Variants in ZEB1 observed in about 807,000 individuals in gnomAD.
The protein encoded by ZEB1 is zinc finger E-box-binding homeobox 1.
ZEB1 carries 21 observed loss-of-function variants against 84.9 expected under a neutral mutation model. That is an observed-to-expected ratio of 0.25 (90% CI 0.18 to 0.36). The LOEUF (loss-of-function observed/expected upper bound fraction) is 0.36. Among genes scored for constraint, ZEB1 ranks in the 10% least tolerant of loss-of-function variants. ZEB1 has a pLI of 1.00. For synonymous variants in ZEB1, 420 were observed against 471.1 expected (o/e 0.89, Z 1.41); for missense variants, 1,104 against 1,330.2 (o/e 0.83, Z 2.65).
chr10:31,480,243 A>G (rs1180517414), intron 2 of ZEB1, among the ~76,000 whole-genome samples: 2 of 152,066 alleles, frequency 1.3e-5, no homozygotes, highest in Non-Finnish European at 2.9e-5. Flanking sequence ...TGCCAAGACA[A>G]TTAAACTTTT....
chr10:31,469,049 G>A (rs375996866), intron 2 of ZEB1, among the ~76,000 whole-genome samples: 1 of 152,104 alleles, frequency 6.6e-6, no homozygotes, highest in Non-Finnish European at 1.5e-5. Flanking sequence ...AGAGATGAAA[G>A]ACAACATAGA....
At position 31,461,160 on chromosome 10, in the gene ZEB1, T is replaced by G. The variant is rs776579743; in HGVS notation, c.182T>G (p.Leu61Arg). 44 of 1,613,410 alleles carry G rather than the reference T, an allele frequency of 2.7e-5. No homozygotes were observed. In the Admixed American group the frequency reaches 7.4e-4, roughly 27 times the overall value. Reference sequence around the variant, plus strand: ...TGTGAAGGTGTACCAGAGGATGACCTGCCAACAGACCAGACAGTGTTACCA... The same window carrying G: ...TGTGAAGGTGTACCAGAGGATGACCGGCCAACAGACCAGACAGTGTTACCA... Reference protein sequence around the residue: ...ADCEGVPEDDLPTDQTVLPGR... With the variant: ...ADCEGVPEDDRPTDQTVLPGR... Residue 61 changes from leucine (L) to arginine (R), a missense_variant, in exon 2 of 9, where the codon CTG (leucine) becomes CGG (arginine). Transcript: ENST00000424869.
chr10:31,426,933 T>G (rs533072735), intron 1 of ZEB1, among the ~76,000 whole-genome samples: 3 of 151,088 alleles, frequency 2.0e-5, no homozygotes, highest in African/African-American at 7.4e-5. Flanking sequence ...TGTATACCTC[T>G]TCCCATGAAT....
intron 1 of ZEB1, chr10:31,361,085 A>G: frequency 3.1e-6 from 5 of 1,611,928 alleles, no homozygotes; most frequent in Non-Finnish European, 4.2e-6. Context: ...TCTAAGACTT[A>G]CAAATTACAA....
At chr10:31,526,055 T>C (rs1042149866) in intron 8 of ZEB1, among the ~76,000 whole-genome samples, 1 of 152,240 alleles carries the variant, frequency 6.6e-6, no homozygotes, top group Admixed American at 6.5e-5. Flanking sequence ...GCAACACTCC[T>C]GTAGCCCATG....
chr10:31,364,840 G>C (rs1422790719), intron 1 of ZEB1, among the ~76,000 whole-genome samples: 1 of 152,154 alleles, frequency 6.6e-6, no homozygotes, highest in African/African-American at 2.4e-5. Flanking sequence ...TTTTCATGTA[G>C]TCCTGGGGTA....
chr10:31,387,587 A>T, intron 1 of ZEB1: 1 of 334,202 alleles, frequency 3.0e-6, no homozygotes, highest in Non-Finnish European at 4.3e-6. Context: ...ATGTCTTGAG[A>T]TATGGATTAA....
intron 1 of ZEB1, among the ~76,000 whole-genome samples, chr10:31,362,595 C>T (rs2043469188): frequency 6.6e-6 from 1 of 151,288 alleles, no homozygotes; most frequent in South Asian, 2.1e-4. Context: ...TTGTCGCTTC[C>T]CAGACAGGGC....
In ZEB1 at chr10:31,520,581, C is replaced by A; in HGVS notation, c.1249C>A (p.Leu417Ile). The change falls in exon 7 of 9, where the codon CTT becomes ATT. Residue 417 changes from leucine to isoleucine, a missense_variant. Physicochemically the swap from Leu to Ile is conservative, Grantham distance 5. Coordinates refer to ENST00000424869, the MANE Select transcript of ZEB1 (RefSeq NM_001174096.2). This position sits in a 1 kb window ranked among gnomAD's most constrained non-coding sequence, Gnocchi z 5.1. ...SINLSDIQNV[L>I]KVAVDGNVIR... The stretch of plus-strand genomic sequence containing the variant: ...CAATTTAAGTGATATTCAGAATGTA[C>A]TTAAAGTGGCGGTAGATGGTAATGT... The A allele has an allele frequency of 6.2e-7, 1 of 1,613,990 alleles. No homozygotes were observed. Among genetic ancestry groups the A allele is most frequent in the Non-Finnish European group, 8.5e-7 (1 of 1,179,968 alleles).
At position 31,333,097 on chromosome 10, in the gene ZEB1, G is replaced by C. The variant is rs369581092; in HGVS notation, c.58+13805G>C. 2.5e-4 allele frequency among the ~76,000 whole-genome samples: 38 copies of C among 152,228 alleles called. 1 individual carries two copies. Among genetic ancestry groups the C allele is most frequent in the African/African-American group, 8.2e-4 (34 of 41,550 alleles). Reference sequence around the variant, plus strand: ...TGCTAATAGATAAAGGAGTTTTACTGTACTAATTTCAAAAATGGTATAAAG... The same window carrying C: ...TGCTAATAGATAAAGGAGTTTTACTCTACTAATTTCAAAAATGGTATAAAG... On this transcript the variant is annotated intron_variant, in intron 1 of 8. Transcript: ENST00000424869.
Position 31,437,006 on chromosome 10 carries a change from C to A in ZEB1, c.59-24031C>A, listed in dbSNP as rs554120973. Among the ~76,000 whole-genome samples the A allele has an allele frequency of 9.3e-4, 142 of 152,186 alleles. 2 individuals carry two copies. Among genetic ancestry groups the A allele is most frequent in the African/African-American group, 3.3e-3 (139 of 41,526 alleles). ...CCACAGATGATTTTAATTCACACTG[C>A]TACTCAGGTAACTTAGGTAAAACAA... On this transcript the variant is annotated intron_variant, in intron 1 of 8. Coordinates refer to ENST00000424869, the MANE Select transcript of ZEB1 (RefSeq NM_001174096.2).
chr10:31,444,599 A>G (rs2059512371), intron 1 of ZEB1, among the ~76,000 whole-genome samples: 1 of 151,716 alleles, frequency 6.6e-6, no homozygotes, highest in South Asian at 2.1e-4. Context: ...TATAAGGTGT[A>G]AGGAAGGGAT....
chr10:31,487,290 A>T (rs910355668), intron 2 of ZEB1, among the ~76,000 whole-genome samples: 2 of 151,450 alleles, frequency 1.3e-5, no homozygotes, highest in African/African-American at 4.8e-5. Context: ...AAAAATAATC[A>T]TGCTGAAATT....
intron 1 of ZEB1, among the ~76,000 whole-genome samples, chr10:31,437,385 A>G (rs1172883141): frequency 6.6e-6 from 1 of 152,230 alleles, no homozygotes; most frequent in African/African-American, 2.4e-5. Flanking sequence ...TTCTAATTTG[A>G]CAACTCAAGC....
intron 2 of ZEB1, among the ~76,000 whole-genome samples, chr10:31,474,697 T>C (rs1288734087): frequency 3.0e-4 from 45 of 152,088 alleles, no homozygotes; most frequent in South Asian, 1.2e-3. Context: ...TTGACCCAGC[T>C]ATCCCATTAC....
chr10:31,433,077 T>A (rs900044215), intron 1 of ZEB1, among the ~76,000 whole-genome samples: 1 of 152,214 alleles, frequency 6.6e-6, no homozygotes, highest in African/African-American at 2.4e-5. Flanking sequence ...TTAGTTGTGA[T>A]GTAAAATATA....
At chr10:31,363,717 G>A in intron 1 of ZEB1, 5 of 1,195,168 alleles carry the variant, frequency 4.2e-6, no homozygotes, top group Non-Finnish European at 4.8e-6. Flanking sequence ...ACATTATGGA[G>A]TTGTGAGGAG....
intron 2 of ZEB1, 123 bp from the exon 3 acceptor site, chr10:31,495,653 A>T (rs891338337): frequency 3.2e-5 from 29 of 913,748 alleles, no homozygotes; most frequent in Non-Finnish European, 4.4e-5. Flanking sequence ...TGATATTTTG[A>T]TACATGTATA....
intron 1 of ZEB1, among the ~76,000 whole-genome samples, chr10:31,459,536 A>G (rs2061591314): frequency 6.6e-6 from 1 of 152,124 alleles, no homozygotes; most frequent in African/African-American, 2.4e-5. Flanking sequence ...GACTGATTTT[A>G]CATGCATTAC....
Sources: gnomAD v4.1 joint callset for allele counts (sites outside exome capture counted in the v4.1 genomes callset) on GRCh38, gnomAD v4.1.1 for gene constraint, Gnocchi (gnomAD v3.1) non-coding constraint, MANE v1.5 for transcripts, NCBI Gene and HGNC (gene_info 2026-07-23, HGNC 2026-07-21) for gene names.